GALNT14: variants seen among roughly 807,000 people sequenced by gnomAD.
GALNT14 encodes the protein polypeptide N-acetylgalactosaminyltransferase 14.
Under a neutral mutation model 77.5 loss-of-function variants are expected in GALNT14, and 60 were observed. The ratio of observed to expected loss-of-function variants is 0.77; its 90% confidence interval spans 0.63 to 0.96. GALNT14 has a LOEUF of 0.96. Among genes scored for constraint, GALNT14 ranks in the 40% least tolerant of loss-of-function variants. The probability of loss-of-function intolerance (pLI) is 0.00; values close to 1 mark genes in which losing one functional copy is unlikely to be tolerated. For synonymous variants in GALNT14, 280 were observed against 281.7 expected, an observed-to-expected ratio of 0.99 and a Z score of 0.06; for missense variants, 710 against 731.0, an observed-to-expected ratio of 0.97 and a Z score of 0.33.
At chr2:31,129,869 A>G (rs1678890848) in intron 1 of GALNT14, among the ~76,000 whole-genome samples, 1 of 152,206 alleles carries the variant, frequency 6.6e-6, no homozygotes, top group Non-Finnish European at 1.5e-5. Flanking sequence ...CTCTTTGGAG[A>G]GAGCTCGTCA....
At chr2:30,897,921 C>A in the GALNT14 span, among the ~76,000 whole-genome samples, 1 of 152,186 alleles carries the variant, frequency 6.6e-6, no homozygotes, top group Non-Finnish European at 1.5e-5. Flanking sequence ...GGACTCCATG[C>A]CCCAGGCAAC....
At chr2:31,022,540 T>C (rs577336419) in intron 1 of GALNT14, among the ~76,000 whole-genome samples, 37 of 152,302 alleles carry the variant, frequency 2.4e-4, no homozygotes, top group African/African-American at 8.7e-4. Flanking sequence ...AGTTGCCATG[T>C]AACACTGCTA....
At chr2:30,919,249 C>T (rs1375893898) in intron 13 of GALNT14, among the ~76,000 whole-genome samples, 1 of 152,154 alleles carries the variant, frequency 6.6e-6, no homozygotes, top group Admixed American at 6.5e-5. Flanking sequence ...GTATTTCTCT[C>T]GCATTTCACC....
chr2:31,107,330 G>A (rs1039570502), intron 1 of GALNT14, among the ~76,000 whole-genome samples: 32 of 152,042 alleles, frequency 2.1e-4, no homozygotes, highest in Non-Finnish European at 2.5e-4. Context: ...TATTTTTTCT[G>A]GCACTCTTTG....
At chr2:30,939,142 G>T (rs960413374) in intron 9 of GALNT14, among the ~76,000 whole-genome samples, 36 of 152,320 alleles carry the variant, frequency 2.4e-4, no homozygotes, top group African/African-American at 7.7e-4. Flanking sequence ...TGCCTGTAAG[G>T]AGCCCCAGGT....
chr2:30,958,732 A>G (rs1229751512), intron 3 of GALNT14, among the ~76,000 whole-genome samples: 1 of 152,134 alleles, frequency 6.6e-6, no homozygotes, highest in African/African-American at 2.4e-5. Context: ...GAAACCCCAC[A>G]GCAAATCAGT....
intron 1 of GALNT14, among the ~76,000 whole-genome samples, chr2:31,034,788 T>C (rs766863412): frequency 2.6e-5 from 4 of 152,226 alleles, no homozygotes; most frequent in Non-Finnish European, 5.9e-5. Context: ...TTTGTATATG[T>C]TGTGTTTTTG....
chr2:30,894,178 G>A, the GALNT14 span, among the ~76,000 whole-genome samples: 2 of 152,130 alleles, frequency 1.3e-5, no homozygotes, highest in African/African-American at 2.4e-5. Context: ...CTTGCCCTGT[G>A]GATCAGGATA....
chr2:31,003,192 A>T (rs575865624), intron 1 of GALNT14, among the ~76,000 whole-genome samples: 8 of 152,188 alleles, frequency 5.3e-5, no homozygotes, highest in Non-Finnish European at 8.8e-5. Flanking sequence ...AATTTTCCTC[A>T]GAATTAAGCA....
intron 1 of GALNT14, among the ~76,000 whole-genome samples, chr2:31,010,565 G>A (rs35166078): frequency 0.21 from 32,331 of 152,032 alleles, 3,666 homozygotes; most frequent in East Asian, 0.39. Flanking sequence ...CAGTGAGCCG[G>A]GATTGCGCCA....
chr2:30,973,032 C>T (rs572534050), intron 2 of GALNT14, among the ~76,000 whole-genome samples: 19 of 152,338 alleles, frequency 1.2e-4, no homozygotes, highest in Non-Finnish European at 2.2e-4. Context: ...TCCTGCACTT[C>T]CAGCACACAT....
intron 1 of GALNT14, among the ~76,000 whole-genome samples, chr2:30,998,406 C>G (rs1049401999): frequency 2.6e-5 from 4 of 152,154 alleles, no homozygotes; most frequent in African/African-American, 9.7e-5. Flanking sequence ...CCCACTCATG[C>G]TTTTGTCTCT....
chr2:30,996,240 T>A (rs925353800), intron 1 of GALNT14, among the ~76,000 whole-genome samples: 1 of 152,030 alleles, frequency 6.6e-6, no homozygotes, highest in Non-Finnish European at 1.5e-5. Context: ...AGAAAAAAAA[T>A]CTGTTCAGGG....
At chr2:31,015,953 G>T (rs1671322903) in intron 1 of GALNT14, among the ~76,000 whole-genome samples, 1 of 152,166 alleles carries the variant, frequency 6.6e-6, no homozygotes, top group African/African-American at 2.4e-5. Context: ...AGCAGGCTGA[G>T]GGGGCATGAA....
At chr2:31,046,645 A>G (rs1427356901) in intron 1 of GALNT14, among the ~76,000 whole-genome samples, 2 of 152,210 alleles carry the variant, frequency 1.3e-5, no homozygotes, top group African/African-American at 4.8e-5. Flanking sequence ...TGTAGTATGG[A>G]AACTTATGAT....
intron 7 of GALNT14, among the ~76,000 whole-genome samples, chr2:30,945,147 A>C (rs561953223): frequency 6.6e-6 from 1 of 152,260 alleles, no homozygotes; most frequent in South Asian, 2.1e-4. Context: ...TCCTCTACCC[A>C]CTACCACCTC....
intron 9 of GALNT14, among the ~76,000 whole-genome samples, chr2:30,936,605 T>A (rs921077472): frequency 6.6e-6 from 1 of 152,196 alleles, no homozygotes; most frequent in East Asian, 1.9e-4. Flanking sequence ...TTATGTACAA[T>A]GGGGAACCTT....
intron 3 of GALNT14, among the ~76,000 whole-genome samples, chr2:30,960,801 C>T (rs1667649226): frequency 6.6e-6 from 1 of 152,184 alleles, no homozygotes; most frequent in Non-Finnish European, 1.5e-5. Context: ...TCACCACTGC[C>T]TCTACAGCAA....
chr2:31,037,857 C>T (rs565203085), intron 1 of GALNT14, among the ~76,000 whole-genome samples: 26 of 151,884 alleles, frequency 1.7e-4, no homozygotes, highest in Admixed American at 1.2e-3. Flanking sequence ...AACTCTGCCT[C>T]ATTCTTCACT....
Sources: allele counts gnomAD v4.1 joint callset (sites outside exome capture counted in the v4.1 genomes callset), GRCh38; gene constraint gnomAD v4.1.1; transcripts MANE v1.5; gene names NCBI Gene and HGNC (gene_info 2026-07-23, HGNC 2026-07-21).